CDH12: variants seen among roughly 807,000 people sequenced by gnomAD.
CDH12 encodes cadherin-12.
CDH12 carries 41 observed loss-of-function variants against 74.1 expected under a neutral mutation model. The ratio of observed to expected loss-of-function variants is 0.55; its 90% CI spans 0.43 to 0.72. The LOEUF (loss-of-function observed/expected upper bound fraction) is 0.72, where lower values mean the gene tolerates loss of function less well. Among genes scored for constraint, CDH12 ranks in the 30% least tolerant of loss-of-function variants. The probability of loss-of-function intolerance (pLI) is 0.00; values close to 1 mark genes in which losing one functional copy is unlikely to be tolerated. For missense variants in CDH12, 945 were observed against 977.2 expected, an observed-to-expected ratio of 0.97 and a Z score of 0.44; for synonymous variants, 399 against 355.0, an observed-to-expected ratio of 1.12 and a Z score of -1.39.
At chr5:22,543,146 G>A (rs957914648) in intron 1 of CDH12, among the ~76,000 whole-genome samples, 1 of 152,138 alleles carries the variant, frequency 6.6e-6, no homozygotes, top group East Asian at 1.9e-4. Context: ...CACCTTAAAT[G>A]CCAAATGAGG....
chr5:22,817,840 A>G (rs563718203), intron 1 of CDH12, among the ~76,000 whole-genome samples: 2 of 152,290 alleles, frequency 1.3e-5, no homozygotes, highest in South Asian at 4.1e-4. Context: ...TTTTTCTTTC[A>G]AAGAAGAATT....
At chr5:21,865,569 C>T (rs1447530982) in intron 6 of CDH12, among the ~76,000 whole-genome samples, 1 of 152,144 alleles carries the variant, frequency 6.6e-6, no homozygotes, top group Non-Finnish European at 1.5e-5. Flanking sequence ...AGGGACTCTG[C>T]TTCCCACATT....
chr5:22,203,356 T>C (rs148458700), intron 4 of CDH12, among the ~76,000 whole-genome samples: 1,825 of 152,298 alleles, frequency 0.012, 52 homozygotes, highest in African/African-American at 0.042. Context: ...TTTGTCATTC[T>C]GTGTCTGGCT....
intron 2 of CDH12, among the ~76,000 whole-genome samples, chr5:22,489,055 C>CATTTTTTTTTTTTTTTTTTTTTTTTTTTT (rs1561442373): frequency 6.4e-5 from 1 of 15,716 alleles, no homozygotes; most frequent in Non-Finnish European, 1.4e-4. Context: ...TTTGGTACCA[C>CATTTTTTTTTTTTTTTTTTTTTTTTTTTT]CTTTTTTTTT....
intron 4 of CDH12, among the ~76,000 whole-genome samples, chr5:22,080,735 T>G (rs1477206183): frequency 6.6e-6 from 1 of 152,160 alleles, no homozygotes. Context: ...TATGTTAGGA[T>G]AAATAAATAC....
intron 6 of CDH12, among the ~76,000 whole-genome samples, chr5:21,918,773 CA>C (rs1411440777): frequency 5.3e-5 from 8 of 152,118 alleles, no homozygotes; most frequent in Non-Finnish European, 8.8e-5. Flanking sequence ...AGAATGATAT[CA>C]TTTGAAAACA....
intron 1 of CDH12, among the ~76,000 whole-genome samples, chr5:22,733,247 G>A (rs1271302312): frequency 2.6e-5 from 4 of 151,786 alleles, no homozygotes; most frequent in African/African-American, 9.7e-5. Context: ...TACTTAATTA[G>A]CTTCATCACA....
At chr5:21,829,252 C>T (rs979519643) in intron 8 of CDH12, among the ~76,000 whole-genome samples, 1 of 152,160 alleles carries the variant, frequency 6.6e-6, no homozygotes, top group South Asian at 2.1e-4. Flanking sequence ...CCAAATCGTG[C>T]CACTGCACTC....
At chr5:22,637,052 G>T (rs151169732) in intron 1 of CDH12, among the ~76,000 whole-genome samples, 66 of 152,298 alleles carry the variant, frequency 4.3e-4, no homozygotes, top group African/African-American at 1.5e-3. Context: ...AGTTCACTAA[G>T]GTGGTTACCC....
intron 3 of CDH12, among the ~76,000 whole-genome samples, chr5:22,257,275 A>G (rs897369326): frequency 1.3e-5 from 2 of 152,146 alleles, no homozygotes; most frequent in African/African-American, 4.8e-5. Flanking sequence ...ACTCCATGAA[A>G]AAAGTTCACC....
At chr5:22,319,986 T>A (rs1317215940) in intron 3 of CDH12, among the ~76,000 whole-genome samples, 1 of 152,084 alleles carries the variant, frequency 6.6e-6, no homozygotes, top group Non-Finnish European at 1.5e-5. Flanking sequence ...CTTGCATCTA[T>A]TGAGCAGTAG....
At chr5:22,624,702 A>G (rs1433621940) in intron 1 of CDH12, among the ~76,000 whole-genome samples, 1 of 152,246 alleles carries the variant, frequency 6.6e-6, no homozygotes, top group Non-Finnish European at 1.5e-5. Flanking sequence ...ACACTTTTAC[A>G]CAGTTGGTGG....
At chr5:21,758,321 AACTCT>A (rs1044573197) in intron 13 of CDH12, among the ~76,000 whole-genome samples, 131 of 152,196 alleles carry the variant, frequency 8.6e-4, no homozygotes, top group African/African-American at 2.7e-3. Flanking sequence ...ATTTTATTCA[AACTCT>A]ACTCAACTTG....
At chr5:22,668,915 C>A (rs1464524521) in intron 1 of CDH12, among the ~76,000 whole-genome samples, 2 of 151,694 alleles carry the variant, frequency 1.3e-5, no homozygotes, top group Non-Finnish European at 2.9e-5. Context: ...TGGTCTCTCT[C>A]TTCTCTCTCT....
rs571604996 is a variant in CDH12 at position 22,090,641 on chromosome 5, C to A, written c.-186-11779G>T. On this transcript the variant is annotated intron_variant, in intron 4 of 14. Coordinates refer to ENST00000382254, the MANE Select transcript of CDH12 (RefSeq NM_004061.5). ...CACACACACACACCCTCCTGAATAC[C>A]AATATCCCTTATGAATATAAATGTA... 4.6e-5 allele frequency among the ~76,000 whole-genome samples: 7 copies of A among 150,700 alleles called. No homozygotes were observed. In the South Asian group the frequency reaches 1.5e-3, roughly 31 times the overall value.
intron 9 of CDH12, among the ~76,000 whole-genome samples, chr5:21,805,511 T>A (rs1747381508): frequency 6.6e-6 from 1 of 152,110 alleles, no homozygotes; most frequent in Non-Finnish European, 1.5e-5. Flanking sequence ...ACTTATAGCC[T>A]GTAGTGATCA....
intron 3 of CDH12, among the ~76,000 whole-genome samples, chr5:22,224,358 T>C (rs10045974): frequency 0.029 from 4,394 of 152,148 alleles, 99 homozygotes; most frequent in South Asian, 0.095. Context: ...AATTATGATA[T>C]GAACAAACAC....
At chr5:22,453,215 C>T (rs1468928213) in intron 2 of CDH12, among the ~76,000 whole-genome samples, 2 of 151,968 alleles carry the variant, frequency 1.3e-5, no homozygotes, top group African/African-American at 4.8e-5. Context: ...CCATATGATC[C>T]CACAATTTCA....
intron 2 of CDH12, among the ~76,000 whole-genome samples, chr5:22,492,591 C>T (rs1255611166): frequency 6.6e-6 from 1 of 152,158 alleles, no homozygotes; most frequent in Non-Finnish European, 1.5e-5. Context: ...TGGTGATCCA[C>T]ATGCCTCAGC....
Sources: allele counts gnomAD v4.1 joint callset (sites outside exome capture counted in the v4.1 genomes callset), GRCh38; gene constraint gnomAD v4.1.1; transcripts MANE v1.5; gene names NCBI Gene and HGNC (gene_info 2026-07-23, HGNC 2026-07-21).